SHROOM3: variants seen among roughly 807,000 people sequenced by gnomAD.
The protein encoded by SHROOM3 is shroom family member 3, also known as protein Shroom3.
SHROOM3 carries 47 observed loss-of-function variants against 138.6 expected under a neutral mutation model. That is an observed-to-expected ratio of 0.34 (90% CI 0.27 to 0.43). The LOEUF is 0.43. Among genes scored for constraint, SHROOM3 ranks in the 20% least tolerant of loss-of-function variants. SHROOM3 has a pLI of 1.00. For synonymous variants in SHROOM3, 1,062 were observed against 1,063.3 expected (o/e 1.00, Z 0.02); for missense variants, 2,491 against 2,596.5 (o/e 0.96, Z 0.88).
chr4:76,709,719 C>T (rs1049222983), intron 2 of SHROOM3: 5 of 260,016 alleles, frequency 1.9e-5, no homozygotes, highest in Admixed American at 1.0e-4. Context: ...TTGGAGATCC[C>T]GCTCCTTAAA....
intron 1 of SHROOM3, among the ~76,000 whole-genome samples, chr4:76,472,350 C>G (rs114109705): frequency 1.7e-3 from 261 of 152,216 alleles, no homozygotes; most frequent in Non-Finnish European, 2.9e-3. Flanking sequence ...TATTTGTTAT[C>G]AAATATTATA....
intron 5 of SHROOM3, among the ~76,000 whole-genome samples, chr4:76,746,965 C>T (rs1017854573): frequency 2.6e-5 from 4 of 152,028 alleles, no homozygotes; most frequent in African/African-American, 4.8e-5. Flanking sequence ...TACAGGCGCC[C>T]GCCACCAGGC....
intron 2 of SHROOM3, among the ~76,000 whole-genome samples, chr4:76,672,832 A>G (rs1360624822): frequency 6.6e-6 from 1 of 152,140 alleles, no homozygotes; most frequent in Non-Finnish European, 1.5e-5. Flanking sequence ...CGGCCTCCCA[A>G]AGTGCTGGGA....
At chr4:76,633,668 AAAAAAAAAAAG>A (rs1454333914) in intron 2 of SHROOM3, among the ~76,000 whole-genome samples, 1 of 150,806 alleles carries the variant, frequency 6.6e-6, no homozygotes, top group African/African-American at 2.4e-5. Context: ...AAAAAAAAAA[AAAAAAAAAAAG>A]AAAAGAAATT....
intron 2 of SHROOM3, among the ~76,000 whole-genome samples, chr4:76,638,311 T>G (rs562439231): frequency 1.3e-5 from 2 of 152,130 alleles, no homozygotes; most frequent in Non-Finnish European, 2.9e-5. Context: ...ATATACCTAC[T>G]ATGTACCCAA....
At chr4:76,687,332 C>A (rs992056158) in intron 2 of SHROOM3, among the ~76,000 whole-genome samples, 9 of 152,116 alleles carry the variant, frequency 5.9e-5, no homozygotes, top group African/African-American at 1.9e-4. Context: ...AAAATGCTTT[C>A]GATTCTAATG....
In SHROOM3 at chr4:76,644,696, C is replaced by T. The variant is rs139735675; in HGVS notation, c.324-65460C>T. 2.7e-3 allele frequency among the ~76,000 whole-genome samples: 413 copies of T among 152,036 alleles called. 1 individual carries two copies. The highest frequency in any genetic ancestry group is 4.2e-3 in the Non-Finnish European group (283 of 67,988). ...AATCAGGGTAATTAGCAAGGATATA[C>T]ACTTTTATATTATTTCCTTTAAAAG... On this transcript the variant is annotated intron_variant, in intron 2 of 10. Transcript: ENST00000296043.
chr4:76,563,034 C>G (rs1733630640), intron 2 of SHROOM3, among the ~76,000 whole-genome samples: 1 of 152,150 alleles, frequency 6.6e-6, no homozygotes, highest in South Asian at 2.1e-4. Context: ...CTGCTGTGGT[C>G]TGGCCATCAT....
rs377336275 is a variant in SHROOM3 at position 76,451,104 on chromosome 4, C to T, written c.168+14884C>T. On this transcript the variant is annotated intron_variant, in intron 1 of 10. Coordinates refer to ENST00000296043, the MANE Select transcript of SHROOM3 (RefSeq NM_020859.4). ...AGCTGGGATTACAGGCACCTGCCAC[C>T]ATGCCTGGCTAATTTTTGTATTTTT... 3.3e-4 allele frequency among the ~76,000 whole-genome samples: 50 copies of T among 152,238 alleles called. No individual in the cohort carries two copies. The South Asian group carries it at 8.9e-3, about 27-fold the overall frequency.
intron 1 of SHROOM3, among the ~76,000 whole-genome samples, chr4:76,503,864 T>C (rs1056274519): frequency 6.6e-6 from 1 of 152,260 alleles, no homozygotes; most frequent in Non-Finnish European, 1.5e-5. Context: ...TTCTACACTT[T>C]TGTTTAAAAC....
chr4:76,441,064 G>C (rs1730658221), intron 1 of SHROOM3, among the ~76,000 whole-genome samples: 1 of 145,330 alleles, frequency 6.9e-6, no homozygotes, highest in African/African-American at 2.5e-5. Context: ...CAGTTCTTCA[G>C]CCACAGTCCT....
At chr4:76,479,681 A>G (rs1731564699) in intron 1 of SHROOM3, among the ~76,000 whole-genome samples, 1 of 152,212 alleles carries the variant, frequency 6.6e-6, no homozygotes, top group African/African-American at 2.4e-5. Context: ...CATAATCATC[A>G]GATTCACCAA....
chr4:76,737,609 GATTTTGGCCGTTCTA>G (rs761537130), intron 4 of SHROOM3, among the ~76,000 whole-genome samples: 1 of 152,106 alleles, frequency 6.6e-6, no homozygotes, highest in Non-Finnish European at 1.5e-5. Context: ...CAATGTTCTG[GATTTTGGCCGTTCTA>G]ATAGGTGTGT....
intron 5 of SHROOM3, among the ~76,000 whole-genome samples, chr4:76,743,503 C>T (rs1721328852): frequency 6.6e-6 from 1 of 152,168 alleles, no homozygotes; most frequent in African/African-American, 2.4e-5. Context: ...CTACTTGTAG[C>T]CTGAGACCTT....
chr4:76,618,579 C>T (rs569874948), intron 2 of SHROOM3, among the ~76,000 whole-genome samples: 4 of 152,230 alleles, frequency 2.6e-5, no homozygotes, highest in Middle Eastern at 6.8e-3. Flanking sequence ...ACCTATTGCC[C>T]CCATTTGCTT....
chr4:76,647,556 T>C (rs1418124930), intron 2 of SHROOM3, among the ~76,000 whole-genome samples: 1 of 152,146 alleles, frequency 6.6e-6, no homozygotes, highest in Non-Finnish European at 1.5e-5. Context: ...TATGTATTAA[T>C]AAAAATAAAT....
chr4:76,636,794 C>T (rs1350541142), intron 2 of SHROOM3, among the ~76,000 whole-genome samples: 1 of 152,210 alleles, frequency 6.6e-6, no homozygotes, highest in East Asian at 1.9e-4. Context: ...GGGTTGGTAA[C>T]CACCTTTCAC....
intron 2 of SHROOM3, among the ~76,000 whole-genome samples, chr4:76,635,340 TA>T (rs1159403293): frequency 3.3e-5 from 5 of 152,208 alleles, no homozygotes; most frequent in Non-Finnish European, 5.9e-5. Flanking sequence ...AGAGAAAGTG[TA>T]AATCTCTTCT....
intron 1 of SHROOM3, among the ~76,000 whole-genome samples, chr4:76,436,695 G>A (rs183627045): frequency 3.3e-5 from 5 of 152,240 alleles, no homozygotes; most frequent in African/African-American, 7.2e-5. Context: ...CACTCAGAAA[G>A]GAGAATTAAA....
Sources: allele counts gnomAD v4.1 joint callset (sites outside exome capture counted in the v4.1 genomes callset), GRCh38; gene constraint gnomAD v4.1.1; transcripts MANE v1.5; gene names NCBI Gene and HGNC (gene_info 2026-07-23, HGNC 2026-07-21).